Variants in KCNQ1OT1 observed in about 807,000 individuals in gnomAD.
KCNQ1OT1 encodes the protein KCNQ1 opposite strand/antisense transcript 1, also known as KCNQ1 antisense RNA 2 (non-protein coding).
chr11:2,699,033 G>A (rs933577276), exon 1 of KCNQ1OT1: 3 of 398,438 alleles, frequency 7.5e-6, no homozygotes, highest in African/African-American at 6.2e-5. Context: ...GTGGATTTCC[G>A]ACTCCGGTCC....
chr11:2,692,108 C>A, exon 1 of KCNQ1OT1: 1 of 398,790 alleles, frequency 2.5e-6, no homozygotes, highest in East Asian at 3.6e-5. Flanking sequence ...TCCACAGCCT[C>A]CATCATTTTA....
chr11:2,662,672 G>A (rs191107741), exon 1 of KCNQ1OT1: 32 of 405,312 alleles, frequency 7.9e-5, no homozygotes, highest in African/African-American at 4.1e-4. Flanking sequence ...GTGACTCCCC[G>A]CTGGGGTGCC....
In KCNQ1OT1 at chr11:2,620,989, G is replaced by GTTT. The variant is rs1473524091; in HGVS notation, n.79003_79005dup. ...TTTTTGCTTTTTTGTTTGTTTGTTT[G>GTTT]TTTTTTGAGAAAGAGTCTTGCTCTG... On this transcript the variant is annotated non_coding_transcript_exon_variant, in exon 1 of 1. Coordinates refer to ENST00000597346, the Ensembl canonical transcript of KCNQ1OT1. This position sits in a 1 kb window ranked among gnomAD's most constrained non-coding sequence, Gnocchi z 4.5. The GTTT allele has an allele frequency of 5.2e-6, 2 of 387,038 alleles. No individual in the cohort carries two copies. Among genetic ancestry groups the GTTT allele is most frequent in the Non-Finnish European group, 9.0e-6 (2 of 221,664 alleles). 24.0% of individuals were successfully genotyped at this position (387,038 alleles called of 1,614,324 possible).
chr11:2,610,716 CTTTTTT>C (rs1167505141), exon 1 of KCNQ1OT1: 1,192 of 228,860 alleles, frequency 5.2e-3, no homozygotes, highest in East Asian at 0.011. Flanking sequence ...TCTTGGTTGG[CTTTTTT>C]TTTTTTTTTT....
At chr11:2,628,220 C>T in exon 1 of KCNQ1OT1, 1 of 398,608 alleles carries the variant, frequency 2.5e-6, no homozygotes, top group Middle Eastern at 6.3e-4. Flanking sequence ...ATCGTGTTTT[C>T]CATAATGACT....
At chr11:2,609,035 C>G in exon 1 of KCNQ1OT1, 1 of 398,128 alleles carries the variant, frequency 2.5e-6, no homozygotes, top group African/African-American at 2.1e-5. Context: ...TTTATTTCTA[C>G]TCTAATATTT....
exon 1 of KCNQ1OT1, chr11:2,643,418 CT>C (rs1298880928): frequency 2.5e-6 from 1 of 398,222 alleles, no homozygotes; most frequent in African/African-American, 2.1e-5. Flanking sequence ...ATGACTTCGT[CT>C]CTTTTTAGTG....
exon 1 of KCNQ1OT1, chr11:2,616,471 A>C (rs1396289004): frequency 7.5e-6 from 3 of 397,700 alleles, no homozygotes; most frequent in Non-Finnish European, 1.3e-5. Context: ...CTGGTTACGT[A>C]AGGTATAATA....
In KCNQ1OT1 at chr11:2,673,059, A is replaced by C. The variant is rs1850215538; in HGVS notation, n.26936T>G. Reference sequence around the variant, plus strand: ...CTAGGGCTGGCCAAAAGGGACAGTGAAGTTGGCTTCTCAGGCCACAGTAGG... The same window carrying C: ...CTAGGGCTGGCCAAAAGGGACAGTGCAGTTGGCTTCTCAGGCCACAGTAGG... On this transcript the variant is annotated non_coding_transcript_exon_variant, in exon 1 of 1. Transcript: ENST00000597346. The surrounding 1 kb of genome is among the most constrained non-coding windows in gnomAD (Gnocchi z 4.5). 1 of 398,830 alleles carries C rather than the reference A, an allele frequency of 2.5e-6. No homozygotes were observed. Among genetic ancestry groups the C allele is most frequent in the Non-Finnish European group, 4.4e-6 (1 of 226,214 alleles). The allele number at this position is 398,830 out of a possible 1,614,324, so 24.7% of individuals were successfully genotyped here. A position where few individuals can be genotyped will look rare whatever the true frequency, so the allele number is the denominator to read the frequency against.
chr11:2,676,726 T>A lies in KCNQ1OT1; in HGVS notation n.23269A>T, dbSNP rs1850301668. On this transcript the variant is annotated non_coding_transcript_exon_variant, in exon 1 of 1. Transcript: ENST00000597346. The surrounding 1 kb of genome is among the most constrained non-coding windows in gnomAD (Gnocchi z 4.2). The stretch of plus-strand genomic sequence containing the variant: ...GCAGGAGATAACCAAGTCATATGCA[T>A]AGTGGCTTTGGGTACGATGGTCTGC... The A allele has an allele frequency of 2.5e-6, 1 of 398,538 alleles. No individual in the cohort carries two copies. The highest frequency in any genetic ancestry group is 4.4e-6 in the Non-Finnish European group (1 of 226,094). The allele number at this position is 398,538 out of a possible 1,614,324, so 24.7% of individuals were successfully genotyped here.
Position 2,664,475 on chromosome 11 carries a change from C to G in KCNQ1OT1, n.35520G>C. Reference sequence around the variant, plus strand: ...ATACAGGCTGGGTAGAGGCCCCACTCCATCTGGGGGAGAAGGCTGGCAGCA... The same window carrying G: ...ATACAGGCTGGGTAGAGGCCCCACTGCATCTGGGGGAGAAGGCTGGCAGCA... On this transcript the variant is annotated non_coding_transcript_exon_variant, in exon 1 of 1. Transcript: ENST00000597346. The surrounding 1 kb of genome is among the most constrained non-coding windows in gnomAD (Gnocchi z 5.1). The G allele has an allele frequency of 2.5e-6, 1 of 398,754 alleles. No homozygotes were observed. The highest frequency in any genetic ancestry group is 4.4e-5 in the Admixed American group (1 of 22,736). The allele number at this position is 398,754 out of a possible 1,614,324, so 24.7% of individuals were successfully genotyped here.
exon 1 of KCNQ1OT1, chr11:2,649,451 T>G (rs1309713145): frequency 5.0e-6 from 2 of 398,478 alleles, no homozygotes; most frequent in East Asian, 7.1e-5. Context: ...CCCTTAAGCA[T>G]TTCTTGTGGG....
At position 2,621,474 on chromosome 11, in the gene KCNQ1OT1, AT is replaced by A. The variant is rs536880097; in HGVS notation, n.78520del. The stretch of plus-strand genomic sequence containing the variant: ...TTTGCCAGATGAATAGTTTGCAAAT[AT>A]TTTTTCTCCCATTCTATATGTTGTC... On this transcript the variant is annotated non_coding_transcript_exon_variant, in exon 1 of 1. Coordinates refer to ENST00000597346, the Ensembl canonical transcript of KCNQ1OT1. This position sits in a 1 kb window ranked among gnomAD's most constrained non-coding sequence, Gnocchi z 5.7. The A allele has an allele frequency of 7.6e-4, 302 of 398,260 alleles. 2 individuals carry two copies. The highest frequency in any genetic ancestry group is 5.9e-3 in the African/African-American group (286 of 48,614). 24.7% of individuals were successfully genotyped at this position (398,260 alleles called of 1,614,324 possible). A position where few individuals can be genotyped will look rare whatever the true frequency, so the allele number is the denominator to read the frequency against.
chr11:2,644,277 A>G (rs574651761), exon 1 of KCNQ1OT1: 1 of 397,596 alleles, frequency 2.5e-6, no homozygotes, highest in East Asian at 3.6e-5. Context: ...ATTCTTTTCT[A>G]TTTTTTCTAT....
In KCNQ1OT1 at chr11:2,626,072, T is replaced by C. The variant is rs1163439108; in HGVS notation, n.73923A>G. On this transcript the variant is annotated non_coding_transcript_exon_variant, in exon 1 of 1. Transcript: ENST00000597346. This position sits in a 1 kb window ranked among gnomAD's most constrained non-coding sequence, Gnocchi z 4.0. ...TATCTAGTTTTACTTTTATTGCCTG[T>C]GCAAGTACAATTTATCTATTTTTAC... 1 of 398,558 alleles carries C rather than the reference T, an allele frequency of 2.5e-6. No homozygotes were observed. The highest frequency in any genetic ancestry group is 3.6e-5 in the East Asian group (1 of 28,080). 24.7% of individuals were successfully genotyped at this position (398,558 alleles called of 1,614,324 possible). A position where few individuals can be genotyped will look rare whatever the true frequency, so the allele number is the denominator to read the frequency against.
chr11:2,613,621 C>G lies in KCNQ1OT1; in HGVS notation n.86374G>C. ...TTTATATTTCTTTGTCCAGTTTTAT[C>G]ATTGCTTTTCAGGGAGTGGTTATAT... On this transcript the variant is annotated non_coding_transcript_exon_variant, in exon 1 of 1. Coordinates refer to ENST00000597346, the Ensembl canonical transcript of KCNQ1OT1. This position sits in a 1 kb window ranked among gnomAD's most constrained non-coding sequence, Gnocchi z 4.8. 1 of 398,524 alleles carries G rather than the reference C, an allele frequency of 2.5e-6. No homozygotes were observed. The highest frequency in any genetic ancestry group is 4.4e-6 in the Non-Finnish European group (1 of 226,040). 24.7% of individuals were successfully genotyped at this position (398,524 alleles called of 1,614,324 possible). A position where few individuals can be genotyped will look rare whatever the true frequency, so the allele number is the denominator to read the frequency against.
Position 2,657,343 on chromosome 11 carries a change from T to C in KCNQ1OT1, n.42652A>G. 1 of 398,650 alleles carries C rather than the reference T, an allele frequency of 2.5e-6. No homozygotes were observed. Among genetic ancestry groups the C allele is most frequent in the Non-Finnish European group, 4.4e-6 (1 of 226,068 alleles). The allele number at this position is 398,650 out of a possible 1,614,324, so 24.7% of individuals were successfully genotyped here. A position where few individuals can be genotyped will look rare whatever the true frequency, so the allele number is the denominator to read the frequency against. On this transcript the variant is annotated non_coding_transcript_exon_variant, in exon 1 of 1. Coordinates refer to ENST00000597346, the Ensembl canonical transcript of KCNQ1OT1. This position sits in a 1 kb window ranked among gnomAD's most constrained non-coding sequence, Gnocchi z 4.8. ...GTATTGAGTCTTCTAGTCATTGGAA[T>C]GAAGGCATATTTCTCCATTTATATC...
exon 1 of KCNQ1OT1, chr11:2,633,584 G>C: frequency 2.5e-6 from 1 of 398,466 alleles, no homozygotes; most frequent in Non-Finnish European, 4.4e-6. Flanking sequence ...TTCTGCATAT[G>C]ATATCCTGTT....
exon 1 of KCNQ1OT1, chr11:2,692,609 G>C: frequency 2.5e-6 from 1 of 398,706 alleles, no homozygotes; most frequent in Admixed American, 4.4e-5. Context: ...GTGGGTTCCT[G>C]CTATACACCT....
Sources: allele counts gnomAD v4.1 joint callset, GRCh38; gene constraint gnomAD v4.1.1; non-coding constraint Gnocchi (gnomAD v3.1); transcripts MANE v1.5; gene names NCBI Gene and HGNC (gene_info 2026-07-23, HGNC 2026-07-21).